FAM120B: variants seen among roughly 807,000 people sequenced by gnomAD.
The protein encoded by FAM120B is constitutive coactivator of peroxisome proliferator-activated receptor gamma.
In FAM120B, 83 loss-of-function variants were observed where a neutral mutation model predicts 96.3. That is an observed-to-expected ratio of 0.86 (90% CI 0.72 to 1.03). The LOEUF (loss-of-function observed/expected upper bound fraction) is 1.03. Ranked by LOEUF, FAM120B falls within the 50% of genes least tolerant of loss-of-function variation. The pLI is 0.00. For missense variants in FAM120B, 1,027 were observed against 1,121.2 expected (o/e 0.92, Z 1.20); for synonymous variants, 407 against 402.7 (o/e 1.01, Z -0.13).
intron 9 of FAM120B, among the ~76,000 whole-genome samples, chr6:170,400,815 A>T (rs1210796131): frequency 2.0e-5 from 3 of 152,222 alleles, no homozygotes; most frequent in African/African-American, 7.2e-5. Flanking sequence ...CAGGAACATC[A>T]CCAAAGCCTG....
chr6:170,388,283 A>G lies in FAM120B; in HGVS notation c.2284-4A>G. ...ATTTTTGGTGTGTGTTCTGGTCTCC[A>G]CAGCCTGATTACATCAACCCCAGAG... On this transcript the variant is annotated splice_region_variant and splice_polypyrimidine_tract_variant and intron_variant, in intron 6 of 10. Coordinates refer to ENST00000476287, the MANE Select transcript of FAM120B (RefSeq NM_032448.3). 1.9e-6 allele frequency: 3 copies of G among 1,613,216 alleles called. No individual in the cohort carries two copies. Among genetic ancestry groups the G allele is most frequent in the Non-Finnish European group, 2.5e-6 (3 of 1,179,958 alleles).
intron 6 of FAM120B, among the ~76,000 whole-genome samples, chr6:170,382,974 G>A (rs976821591): frequency 6.6e-6 from 1 of 152,018 alleles, no homozygotes; most frequent in African/African-American, 2.4e-5. Context: ...ACAGAATAGA[G>A]AACCCAGACA....
intron 4 of FAM120B, among the ~76,000 whole-genome samples, chr6:170,341,112 C>G (rs565389330): frequency 1.3e-5 from 2 of 152,332 alleles, no homozygotes; most frequent in East Asian, 3.9e-4. Flanking sequence ...CACAGCAGCC[C>G]CCTTCCCCCA....
chr6:170,338,844 C>CT (rs61188907), intron 4 of FAM120B, among the ~76,000 whole-genome samples: 12,551 of 85,198 alleles, frequency 0.15, 1,517 homozygotes, highest in East Asian at 0.61. Flanking sequence ...TTGCAACCTG[C>CT]TTTTTTTTTT....
chr6:170,387,759 A>T (rs1790268932), intron 6 of FAM120B, among the ~76,000 whole-genome samples: 1 of 152,256 alleles, frequency 6.6e-6, no homozygotes, highest in Admixed American at 6.5e-5. Context: ...TTCATAACAA[A>T]TACTCATAAT....
upstream of FAM120B, among the ~76,000 whole-genome samples, chr6:170,303,303 A>C (rs1383374818): frequency 6.6e-6 from 1 of 152,166 alleles, no homozygotes; most frequent in Non-Finnish European, 1.5e-5. Context: ...GTGGTGGCAC[A>C]ATCCCAGCTC....
rs9295407 is a variant in FAM120B, at chr6:170,404,594, A to T, written c.*4A>T. ...TGACCAGTGGAGAAGGTACTAGTCA[A>T]CCTCCAGGTAAGTTCATCACCTGCA... is the stretch of plus-strand genomic sequence containing the variant. On this transcript the variant is annotated 3_prime_UTR_variant, in exon 10 of 11. Transcript: ENST00000476287. 168,339 of 1,610,880 alleles carry T rather than the reference A, an allele frequency of 0.1. 9,946 individuals carry two copies. Among genetic ancestry groups the T allele is most frequent in the African/African-American group, 0.22 (16,624 of 74,844 alleles).
At chr6:170,324,824 TATG>T (rs1785494410) in intron 3 of FAM120B, among the ~76,000 whole-genome samples, 1 of 152,242 alleles carries the variant, frequency 6.6e-6, no homozygotes, top group African/African-American at 2.4e-5. Context: ...CTGATTTATA[TATG>T]ATGATAATAA....
In FAM120B at chr6:170,394,465, A is replaced by G. The variant is rs375295848; in HGVS notation, c.2600-1022A>G. Reference sequence around the variant, plus strand: ...CGTGGACACCGCAGCATGCCAGCACAAGGCCACGCCTCCGTGGACACCGCA... The same window carrying G: ...CGTGGACACCGCAGCATGCCAGCACGAGGCCACGCCTCCGTGGACACCGCA... On this transcript the variant is annotated intron_variant, in intron 8 of 10. Transcript: ENST00000476287. Among the ~76,000 whole-genome samples the G allele has an allele frequency of 4.1e-4, 61 of 148,062 alleles. No individual in the cohort carries two copies. The East Asian group carries it at 8.2e-3, about 20-fold the overall frequency.
At chr6:170,299,715 G>A (rs533467736) in intron 1 of FAM120B, among the ~76,000 whole-genome samples, 1 of 152,358 alleles carries the variant, frequency 6.6e-6, no homozygotes, top group South Asian at 2.1e-4. Context: ...GGTTGTAACA[G>A]AACATCCTGA....
In FAM120B at chr6:170,317,504, C is replaced by G; in HGVS notation, c.114C>G (p.Thr38=). ...EHHRSKYPGC[T]PTIVVDAMCC... is the part of the protein sequence containing the mutation. Reference sequence around the variant, plus strand: ...ACCGAAGCAAGTATCCTGGATGTACCCCTACCATTGTGGTTGATGCCATGT... The same window carrying G: ...ACCGAAGCAAGTATCCTGGATGTACGCCTACCATTGTGGTTGATGCCATGT... The change falls in exon 2 of 11, where the codon ACC becomes ACG. Residue 38 remains threonine, a synonymous_variant. Coordinates refer to ENST00000476287, the MANE Select transcript of FAM120B (RefSeq NM_032448.3). The G allele has an allele frequency of 6.2e-7, 1 of 1,614,148 alleles. No individual in the cohort carries two copies. The highest frequency in any genetic ancestry group is 8.5e-7 in the Non-Finnish European group (1 of 1,180,026).
At chr6:170,379,764 C>T (rs1789796271) in intron 6 of FAM120B, among the ~76,000 whole-genome samples, 1 of 152,146 alleles carries the variant, frequency 6.6e-6, no homozygotes, top group Non-Finnish European at 1.5e-5. Context: ...TCGTAGGCTT[C>T]CTCAGGCTGC....
intron 1 of FAM120B, among the ~76,000 whole-genome samples, chr6:170,299,777 G>A (rs954171574): frequency 6.6e-6 from 1 of 152,208 alleles, no homozygotes; most frequent in East Asian, 1.9e-4. Flanking sequence ...AATCAGGAAA[G>A]AAGGTGGTTT....
intron 9 of FAM120B, among the ~76,000 whole-genome samples, chr6:170,400,926 C>T (rs1778544693): frequency 6.6e-6 from 1 of 152,114 alleles, no homozygotes; most frequent in African/African-American, 2.4e-5. Context: ...TGCACATTGG[C>T]TTCTTTCTTT....
intron 5 of FAM120B, 50 bp downstream of exon 5, chr6:170,348,373 G>A (rs756890916): frequency 1.3e-6 from 2 of 1,551,150 alleles, no homozygotes; most frequent in Non-Finnish European, 1.8e-6. Flanking sequence ...CTTACTTTAT[G>A]AGAGGGAGCA....
intron 3 of FAM120B, among the ~76,000 whole-genome samples, chr6:170,325,926 A>C (rs1323176929): frequency 6.6e-6 from 1 of 151,968 alleles, no homozygotes; most frequent in Admixed American, 6.6e-5. Flanking sequence ...TTTTGCAATT[A>C]CTTTTAATAT....
At chr6:170,395,067 T>C (rs1466489141) in intron 8 of FAM120B, among the ~76,000 whole-genome samples, 1 of 152,190 alleles carries the variant, frequency 6.6e-6, no homozygotes, top group Non-Finnish European at 1.5e-5. Flanking sequence ...AAAGTGTGTG[T>C]GAGTGAAGTT....
intron 9 of FAM120B, among the ~76,000 whole-genome samples, chr6:170,399,233 C>A (rs546303492): frequency 1.6e-5 from 1 of 62,022 alleles, no homozygotes; most frequent in Admixed American, 1.9e-4. Flanking sequence ...TATGTCATAA[C>A]TCTTAGGAGT....
rs150167172 is a variant in FAM120B at position 170,326,330 on chromosome 6, C to T, written c.1915+3071C>T. ...TGCAGCTACCACCACAGCCAAGATA[C>T]AGAGCTGGTTTGTTAGCACTCCCTC... is the stretch of plus-strand genomic sequence containing the variant. On this transcript the variant is annotated intron_variant, in intron 3 of 10. Transcript: ENST00000476287. Among the ~76,000 whole-genome samples the T allele has an allele frequency of 4.3e-3, 656 of 152,306 alleles. 3 individuals are homozygous for T. The highest frequency in any genetic ancestry group is 0.015 in the African/African-American group (627 of 41,554).
Sources: allele counts gnomAD v4.1 joint callset (sites outside exome capture counted in the v4.1 genomes callset), GRCh38; gene constraint gnomAD v4.1.1; transcripts MANE v1.5; gene names NCBI Gene and HGNC (gene_info 2026-07-23, HGNC 2026-07-21).